Variants in BRIP1 observed in about 807,000 individuals in gnomAD.
BRIP1 encodes BRCA1 interacting DNA helicase 1, also known as Fanconi anemia group J protein.
In BRIP1, 88 loss-of-function variants were observed where a neutral mutation model predicts 119.7. The ratio of observed to expected loss-of-function variants is 0.74; its 90% CI spans 0.62 to 0.88. BRIP1 has a LOEUF of 0.88. BRIP1 is among the 40% of genes least tolerant of loss of function. The pLI is 0.00. For synonymous variants in BRIP1, 443 were observed against 496.5 expected (o/e 0.89, Z 1.43); for missense variants, 1,259 against 1,455.4 (o/e 0.87, Z 2.20).
Position 61,769,910 on chromosome 17 carries a change from C to CA in BRIP1, c.2097+6490dup, listed in dbSNP as rs2077423448. Among the ~76,000 whole-genome samples the CA allele has an allele frequency of 6.6e-6, 1 of 152,140 alleles. No homozygotes were observed. The highest frequency in any genetic ancestry group is 1.5e-5 in the Non-Finnish European group (1 of 68,016). On this transcript the variant is annotated intron_variant, in intron 14 of 19. Coordinates refer to ENST00000259008, the MANE Select transcript of BRIP1 (RefSeq NM_032043.3). This position sits in a 1 kb window ranked among gnomAD's most constrained non-coding sequence, Gnocchi z 4.9. Reference sequence around the variant, plus strand: ...AAACTCCTAGGGGCTGCAGTCTTGCCAGGGGGCCCACAATTTTTAAGACAT... The same window carrying CA: ...AAACTCCTAGGGGCTGCAGTCTTGCCAAGGGGGCCCACAATTTTTAAGACAT...
chr17:61,713,547 A>T lies in BRIP1; in HGVS notation c.2492+2404T>A, dbSNP rs1407132943. ...TCATTTTTTTTTTTTTTTGAGATGGAGTCTCGCTCTGTCGCCCAGGCTGGA... is the reference window on the plus strand; with the variant it reads ...TCATTTTTTTTTTTTTTTGAGATGGTGTCTCGCTCTGTCGCCCAGGCTGGA... On this transcript the variant is annotated intron_variant, in intron 17 of 19. Transcript: ENST00000259008. The surrounding 1 kb of genome is among the most constrained non-coding windows in gnomAD (Gnocchi z 4.9). Among the ~76,000 whole-genome samples, 1 of 147,464 alleles carries T rather than the reference A, an allele frequency of 6.8e-6. No individual in the cohort carries two copies. The highest frequency in any genetic ancestry group is 1.5e-5 in the Non-Finnish European group (1 of 67,138).
At chr17:61,685,278 G>T (rs945460396) in intron 19 of BRIP1, 1 of 152,286 alleles carries the variant, frequency 6.6e-6, no homozygotes, top group African/African-American at 2.4e-5. Context: ...ATGGGCCACA[G>T]TTTGCCAATC....
rs536884832 is a variant in BRIP1, at chr17:61,775,474, G to A, written c.2097+927C>T. Among the ~76,000 whole-genome samples, 14 of 152,140 alleles carry A rather than the reference G, an allele frequency of 9.2e-5. No homozygotes were observed. The highest frequency in any genetic ancestry group is 6.2e-4 in the South Asian group (3 of 4,822). On this transcript the variant is annotated intron_variant, in intron 14 of 19. Coordinates refer to ENST00000259008, the MANE Select transcript of BRIP1 (RefSeq NM_032043.3). This position sits in a 1 kb window ranked among gnomAD's most constrained non-coding sequence, Gnocchi z 4.4. ...TGTCCTTAGAGGTATAACTTCCTGT[G>A]GAAAAAAGAGAAGGGAACGCCACTT...
intron 16 of BRIP1, among the ~76,000 whole-genome samples, chr17:61,727,220 T>C (rs1000970119): frequency 1.3e-5 from 2 of 152,156 alleles, no homozygotes; most frequent in African/African-American, 4.8e-5. Context: ...CAGGGAATTA[T>C]ATAAAGGTTC....
Position 61,776,538 on chromosome 17 carries a change from C to G in BRIP1, c.1960G>C (p.Gly654Arg), listed in dbSNP as rs1567809053. ...GCACAGAGATTCCGACCCTTGGGGC[C>G]TGACCCAATGGTACCAACCCAAACC... ...SQVWVGTIGS[G>R]PKGRNLCATF... The change falls in exon 14 of 20, where the codon GGC becomes CGC. Residue 654 changes from glycine to arginine, a missense_variant. This residue lies in a region of BRIP1 where 753 missense variants were observed against 891.8 expected (regional missense o/e 0.84). Transcript: ENST00000259008. The surrounding 1 kb of genome is among the most constrained non-coding windows in gnomAD (Gnocchi z 5.0). 1 of 1,614,082 alleles carries G rather than the reference C, an allele frequency of 6.2e-7. No individual in the cohort carries two copies. Among genetic ancestry groups the G allele is most frequent in the Non-Finnish European group, 8.5e-7 (1 of 1,179,996 alleles).
intron 6 of BRIP1, among the ~76,000 whole-genome samples, chr17:61,839,960 T>C (rs2078632752): frequency 6.6e-6 from 1 of 152,158 alleles, no homozygotes; most frequent in African/African-American, 2.4e-5. Flanking sequence ...AATCAAAGCA[T>C]TAGGCTTAAA....
At chr17:61,692,868 A>G (rs536105692) in intron 18 of BRIP1, among the ~76,000 whole-genome samples, 173 of 152,300 alleles carry the variant, frequency 1.1e-3, no homozygotes, top group Non-Finnish European at 2.1e-3. Flanking sequence ...TACGCTTGGT[A>G]TTTGTTCAAA....
rs927110621 is a variant in BRIP1 at position 61,802,957 on chromosome 17, T to A, written c.919-1483A>T. Among the ~76,000 whole-genome samples the A allele has an allele frequency of 6.6e-6, 1 of 152,210 alleles. No homozygotes were observed. Among genetic ancestry groups the A allele is most frequent in the African/African-American group, 2.4e-5 (1 of 41,468 alleles). On this transcript the variant is annotated intron_variant, in intron 7 of 19. Coordinates refer to ENST00000259008, the MANE Select transcript of BRIP1 (RefSeq NM_032043.3). The surrounding 1 kb of genome is among the most constrained non-coding windows in gnomAD (Gnocchi z 6.0). ...TTATCTCTATCTTAAAAGTAAAAAA[T>A]AGAATCTTGTTTTGATTTGTATTTT...
At chr17:61,772,196 TATATATATATATAA>T (rs1242141437) in intron 14 of BRIP1, among the ~76,000 whole-genome samples, 2,130 of 104,886 alleles carry the variant, frequency 0.02, 56 homozygotes, top group South Asian at 0.044. Context: ...TATATATATA[TATATATATATATAA>T]AATGAAATAT....
intron 14 of BRIP1, among the ~76,000 whole-genome samples, chr17:61,766,183 G>A (rs2077370789): frequency 6.6e-6 from 1 of 152,054 alleles, no homozygotes; most frequent in African/African-American, 2.4e-5. Context: ...GAGTTCTAAG[G>A]CAAATGCTTT....
chr17:61,727,869 G>A (rs2076789984), intron 16 of BRIP1, among the ~76,000 whole-genome samples: 1 of 147,704 alleles, frequency 6.8e-6, no homozygotes, highest in Admixed American at 6.8e-5. Flanking sequence ...TTGCTGTGTT[G>A]TCCAGGCTAG....
In BRIP1 at chr17:61,799,270, GA is replaced by G; in HGVS notation, c.1169del (p.Val390AlafsTer3). ...CGATGTTATGAGCTTCATCTAAAATGACAACCTGTTCTTTCAGATTTAAATC... is the reference window on the plus strand; with the variant it reads ...CGATGTTATGAGCTTCATCTAAAATGCAACCTGTTCTTTCAGATTTAAATC... Reference protein sequence around the residue: ...SMDLNLKEQVVILDEAHNIED... With the variant: ...SMDLNLKEQVXILDEAHNIED... On this transcript the variant is annotated frameshift_variant, in exon 9 of 20. Coordinates refer to ENST00000259008, the MANE Select transcript of BRIP1 (RefSeq NM_032043.3). LOFTEE classifies it high-confidence loss of function. This position sits in a 1 kb window ranked among gnomAD's most constrained non-coding sequence, Gnocchi z 5.1. 6.2e-7 allele frequency: 1 copy of G among 1,613,082 alleles called. No homozygotes were observed. Among genetic ancestry groups the G allele is most frequent in the South Asian group, 1.1e-5 (1 of 91,020 alleles).
Position 61,808,265 on chromosome 17 carries a change from A to G in BRIP1, c.918+202T>C, listed in dbSNP as rs1014765714. Among the ~76,000 whole-genome samples, 4 of 152,198 alleles carry G rather than the reference A, an allele frequency of 2.6e-5. No homozygotes were observed. The highest frequency in any genetic ancestry group is 1.3e-4 in the Admixed American group (2 of 15,270). On this transcript the variant is annotated intron_variant, in intron 7 of 19. Coordinates refer to ENST00000259008, the MANE Select transcript of BRIP1 (RefSeq NM_032043.3). This position sits in a 1 kb window ranked among gnomAD's most constrained non-coding sequence, Gnocchi z 4.1. ...TAATTTCAAGGAATTAAATATCCCA[A>G]GCTTTAAGACCAAATCCCATACTTT...
rs1173494361 is a variant in BRIP1, at chr17:61,809,236, T to C, written c.628-479A>G. 6.6e-6 allele frequency among the ~76,000 whole-genome samples: 1 copy of C among 152,206 alleles called. No individual in the cohort carries two copies. The highest frequency in any genetic ancestry group is 1.5e-5 in the Non-Finnish European group (1 of 68,018). ...AATATAGTTTACAAAAGAATAGAAT[T>C]ATCAAGTTGAATCTAAAGGATCACT... On this transcript the variant is annotated intron_variant, in intron 6 of 19. Coordinates refer to ENST00000259008, the MANE Select transcript of BRIP1 (RefSeq NM_032043.3). The surrounding 1 kb of genome is among the most constrained non-coding windows in gnomAD (Gnocchi z 5.2).
At chr17:61,737,056 G>GTT (rs2076928304) in intron 16 of BRIP1, among the ~76,000 whole-genome samples, 2 of 151,580 alleles carry the variant, frequency 1.3e-5, no homozygotes, top group Admixed American at 1.3e-4. Flanking sequence ...TAATCCCCAA[G>GTT]GTAAATACTA....
chr17:61,769,540 T>C lies in BRIP1; in HGVS notation c.2097+6861A>G, dbSNP rs2077418284. Among the ~76,000 whole-genome samples the C allele has an allele frequency of 6.6e-6, 1 of 152,336 alleles. No homozygotes were observed. Among genetic ancestry groups the C allele is most frequent in the African/African-American group, 2.4e-5 (1 of 41,580 alleles). ...CAAAAGATTATAATAATGTGCTAGT[T>C]TGCTCTTATGACTAGATTCTGAAAC... On this transcript the variant is annotated intron_variant, in intron 14 of 19. Transcript: ENST00000259008. This position sits in a 1 kb window ranked among gnomAD's most constrained non-coding sequence, Gnocchi z 4.9.
Position 61,778,219 on chromosome 17 carries a change from A to G in BRIP1, c.1936-1657T>C, listed in dbSNP as rs1254264298. Among the ~76,000 whole-genome samples, 1 of 152,230 alleles carries G rather than the reference A, an allele frequency of 6.6e-6. No individual in the cohort carries two copies. Among genetic ancestry groups the G allele is most frequent in the Non-Finnish European group, 1.5e-5 (1 of 68,050 alleles). On this transcript the variant is annotated intron_variant, in intron 13 of 19. Coordinates refer to ENST00000259008, the MANE Select transcript of BRIP1 (RefSeq NM_032043.3). This position sits in a 1 kb window ranked among gnomAD's most constrained non-coding sequence, Gnocchi z 4.4. ...AACCTTGAGGACATTACTAAGTAAAATAAGCCAGTCACAAAAACGACAAAT... is the reference window on the plus strand; with the variant it reads ...AACCTTGAGGACATTACTAAGTAAAGTAAGCCAGTCACAAAAACGACAAAT...
rs1555602185 is a variant in BRIP1, at chr17:61,780,337, A to G, written c.1859T>C (p.Met620Thr). The change falls in exon 13 of 20, where the codon ATG (methionine) becomes ACG (threonine). Residue 620 changes from methionine to threonine, a missense_variant. Met to Thr is a moderately conservative substitution (Grantham distance 81). Transcript: ENST00000259008. This position sits in a 1 kb window ranked among gnomAD's most constrained non-coding sequence, Gnocchi z 5.4. ...IVLTSGTLSP[M>T]KSFSSELGVT... ...ACCAAGTTCTGACGAAAAGGATTTC[A>G]TTGGTGATAATGTACCAGATGTCAA... is the stretch of plus-strand genomic sequence containing the variant. The G allele has an allele frequency of 1.2e-6, 2 of 1,610,466 alleles. No individual in the cohort carries two copies. The highest frequency in any genetic ancestry group is 1.3e-5 in the African/African-American group (1 of 74,988).
At position 61,708,427 on chromosome 17, in the gene BRIP1, A is replaced by G. The variant is rs1449753811; in HGVS notation, c.2492+7524T>C. ...GGTTATCAGATAGAAAAAACATAGT[A>G]TACGTAGAGTTTGGTACTATCCATG... On this transcript the variant is annotated intron_variant, in intron 17 of 19. Transcript: ENST00000259008. This position sits in a 1 kb window ranked among gnomAD's most constrained non-coding sequence, Gnocchi z 4.4. Among the ~76,000 whole-genome samples, 1 of 152,122 alleles carries G rather than the reference A, an allele frequency of 6.6e-6. No homozygotes were observed.
Sources: gnomAD v4.1 joint callset for allele counts (sites outside exome capture counted in the v4.1 genomes callset) on GRCh38, gnomAD v4.1.1 for gene constraint, gnomAD v4.1.1 regional missense constraint, Gnocchi (gnomAD v3.1) non-coding constraint, MANE v1.5 for transcripts, NCBI Gene and HGNC (gene_info 2026-07-23, HGNC 2026-07-21) for gene names.